Variants in TTC28 observed in about 807,000 individuals in gnomAD.
TTC28 encodes tetratricopeptide repeat domain 28, also known as tetratricopeptide repeat protein 28.
TTC28 carries 61 observed loss-of-function variants against 198.0 expected under a neutral mutation model. That is an observed-to-expected ratio of 0.31 (90% CI 0.25 to 0.38). TTC28 has a LOEUF of 0.38. Ranked by LOEUF, TTC28 falls within the 10% of genes least tolerant of loss-of-function variation. The probability of loss-of-function intolerance (pLI) is 1.00; values close to 1 mark genes in which losing one functional copy is unlikely to be tolerated. For synonymous variants in TTC28, 1,171 were observed against 1,297.8 expected (o/e 0.90, Z 2.10); for missense variants, 2,678 against 3,164.0 (o/e 0.85, Z 3.69).
chr22:28,542,447 A>G (rs904409392), intron 2 of TTC28, among the ~76,000 whole-genome samples: 8 of 152,170 alleles, frequency 5.3e-5, no homozygotes, highest in African/African-American at 1.9e-4. Flanking sequence ...CATATATCCA[A>G]AAAGCTCTAT....
intron 2 of TTC28, among the ~76,000 whole-genome samples, chr22:28,315,950 G>A (rs528762440): frequency 6.6e-6 from 1 of 152,308 alleles, no homozygotes; most frequent in South Asian, 2.1e-4. Flanking sequence ...GAGGGGTGCT[G>A]TTTTTACAGT....
At chr22:28,106,933 G>A in intron 7 of TTC28, 129 bp downstream of exon 7, 1 of 1,196,456 alleles carries the variant, frequency 8.4e-7, no homozygotes, top group South Asian at 1.6e-5. Context: ...GTTGTTGGAG[G>A]AATCAGATGA....
intron 2 of TTC28, among the ~76,000 whole-genome samples, chr22:28,574,261 T>C (rs941909882): frequency 2.4e-4 from 37 of 152,120 alleles, no homozygotes; most frequent in African/African-American, 8.9e-4. Flanking sequence ...ATCCACCTGC[T>C]TCAGCCTCCC....
intron 2 of TTC28, among the ~76,000 whole-genome samples, chr22:28,329,712 GTCC>G (rs1453072297): frequency 6.6e-6 from 1 of 152,040 alleles, no homozygotes; most frequent in Non-Finnish European, 1.5e-5. Context: ...TTATGTGACT[GTCC>G]TCCTAACCAA....
intron 2 of TTC28, among the ~76,000 whole-genome samples, chr22:28,551,903 A>C (rs528715989): frequency 4.5e-4 from 69 of 152,284 alleles, no homozygotes; most frequent in Non-Finnish European, 9.0e-4. Flanking sequence ...GAAAAAAATA[A>C]AGCACATCCA....
intron 5 of TTC28, among the ~76,000 whole-genome samples, chr22:28,170,484 G>A (rs1250486621): frequency 7.3e-6 from 1 of 137,592 alleles, no homozygotes; most frequent in African/African-American, 2.9e-5. Context: ...GCGAGACTCC[G>A]TCTCCAAAAA....
chr22:28,335,934 C>A (rs2045708562), intron 2 of TTC28, among the ~76,000 whole-genome samples: 1 of 152,158 alleles, frequency 6.6e-6, no homozygotes, highest in Non-Finnish European at 1.5e-5. Flanking sequence ...AAAGGGAATG[C>A]TTCCAGTTTT....
intron 2 of TTC28, among the ~76,000 whole-genome samples, chr22:28,351,065 C>T (rs1026745857): frequency 1.1e-4 from 17 of 152,068 alleles, no homozygotes; most frequent in African/African-American, 4.1e-4. Flanking sequence ...CACCTGTAGT[C>T]CCAGCTACTT....
chr22:28,488,423 C>T (rs1464376970), intron 2 of TTC28, among the ~76,000 whole-genome samples: 3 of 152,172 alleles, frequency 2.0e-5, no homozygotes, highest in Admixed American at 2.0e-4. Flanking sequence ...GGCCTTCAAG[C>T]AGTGAGTAGC....
In TTC28 at chr22:28,606,701, G is replaced by A. The variant is rs914259600; in HGVS notation, c.381+22851C>T. On this transcript the variant is annotated intron_variant, in intron 2 of 22. Coordinates refer to ENST00000397906, the MANE Select transcript of TTC28 (RefSeq NM_001145418.2). ...ATGCAATGTACAGACTGACCAAAAA[G>A]ACCTGAGCATAGATTCAAACGCATA... 2.6e-5 allele frequency among the ~76,000 whole-genome samples: 4 copies of A among 152,168 alleles called. No individual in the cohort carries two copies. The East Asian group carries it at 7.7e-4, about 29-fold the overall frequency.
chr22:28,346,497 G>A (rs1316627931), intron 2 of TTC28, among the ~76,000 whole-genome samples: 3 of 152,132 alleles, frequency 2.0e-5, no homozygotes, highest in Non-Finnish European at 4.4e-5. Flanking sequence ...TTGGCAGGAG[G>A]AGATCCAAGC....
At chr22:28,652,538 G>C (rs1044983515) in intron 1 of TTC28, among the ~76,000 whole-genome samples, 2 of 152,196 alleles carry the variant, frequency 1.3e-5, no homozygotes, top group African/African-American at 4.8e-5. Flanking sequence ...TCAAAGGGAA[G>C]TTATATTGCT....
chr22:27,983,915 C>A, intron 22 of TTC28, 64 bp from the exon 23 acceptor site: 6 of 1,474,304 alleles, frequency 4.1e-6, no homozygotes, highest in Non-Finnish European at 5.4e-6. Context: ...ATTTTTCTTT[C>A]AAAATTTACG....
chr22:28,663,452 A>G (rs199812410), intron 1 of TTC28, among the ~76,000 whole-genome samples: 1 of 145,016 alleles, frequency 6.9e-6, no homozygotes, highest in East Asian at 2.0e-4. Flanking sequence ...ACCGTGCGCG[A>G]GCCGAAGCAG....
intron 1 of TTC28, among the ~76,000 whole-genome samples, chr22:28,662,927 C>T (rs2051771069): frequency 1.3e-5 from 2 of 152,084 alleles, no homozygotes; most frequent in African/African-American, 2.4e-5. Context: ...TGTGCAGTAT[C>T]AGGAAATGCA....
At chr22:28,514,862 G>A (rs902902384) in intron 2 of TTC28, among the ~76,000 whole-genome samples, 4 of 152,190 alleles carry the variant, frequency 2.6e-5, no homozygotes, top group African/African-American at 7.2e-5. Context: ...CAGTCTTGCA[G>A]AATAGAGAGG....
chr22:28,102,511 G>A (rs1942184114), intron 8 of TTC28, among the ~76,000 whole-genome samples: 1 of 152,192 alleles, frequency 6.6e-6, no homozygotes, highest in African/African-American at 2.4e-5. Context: ...TTGGTCACTA[G>A]GCAGTTCTCA....
intron 1 of TTC28, among the ~76,000 whole-genome samples, chr22:28,654,365 G>A (rs777381600): frequency 6.6e-6 from 1 of 152,118 alleles, no homozygotes; most frequent in Admixed American, 6.5e-5. Flanking sequence ...GTCTCGCTCT[G>A]TCACCAGGCT....
intron 2 of TTC28, among the ~76,000 whole-genome samples, chr22:28,522,864 T>C (rs2048934821): frequency 6.6e-6 from 1 of 151,730 alleles, no homozygotes. Context: ...TGTCAGAGGC[T>C]GGAAGGTAAA....
Sources: gnomAD v4.1 joint callset for allele counts (sites outside exome capture counted in the v4.1 genomes callset) on GRCh38, gnomAD v4.1.1 for gene constraint, MANE v1.5 for transcripts, NCBI Gene and HGNC (gene_info 2026-07-23, HGNC 2026-07-21) for gene names.